CCBE1: variants seen among roughly 807,000 people sequenced by gnomAD.
The protein encoded by CCBE1 is collagen and calcium-binding EGF domain-containing protein 1.
In CCBE1, 37 loss-of-function variants were observed where a neutral mutation model predicts 50.0. The ratio of observed to expected loss-of-function variants is 0.74; its 90% CI spans 0.57 to 0.97. The LOEUF is 0.97. Ranked by LOEUF, CCBE1 falls within the 50% of genes least tolerant of loss-of-function variation. The pLI is 0.00. For synonymous variants in CCBE1, 234 were observed against 203.7 expected, an observed-to-expected ratio of 1.15 and a Z score of -1.27; for missense variants, 538 against 523.8, an observed-to-expected ratio of 1.03 and a Z score of -0.26.
chr18:59,454,981 TG>T (rs1030016301), intron 5 of CCBE1, 30 bp from the exon 6 acceptor site: 13 of 1,581,410 alleles, frequency 8.2e-6, no homozygotes, highest in African/African-American at 5.4e-5. Flanking sequence ...CAGTCCTGTC[TG>T]GGAGGCTGGA....
intron 2 of CCBE1, among the ~76,000 whole-genome samples, chr18:59,519,943 T>A (rs1288020362): frequency 6.6e-6 from 1 of 152,214 alleles, no homozygotes; most frequent in Non-Finnish European, 1.5e-5. Flanking sequence ...ATTTCCCTAT[T>A]GCTTGTTTTT....
chr18:59,568,166 G>C (rs2564463), intron 2 of CCBE1: 1 of 132,130 alleles, frequency 7.6e-6, no homozygotes, highest in African/African-American at 3.1e-5. Context: ...AGAAATAAGA[G>C]GCCTATTTTT....
At chr18:59,519,064 C>A (rs1427001087) in intron 2 of CCBE1, among the ~76,000 whole-genome samples, 2 of 152,196 alleles carry the variant, frequency 1.3e-5, no homozygotes, top group Non-Finnish European at 2.9e-5. Context: ...CCCAAATAAA[C>A]TTCATGAACT....
At chr18:59,514,558 C>T (rs776881876) in intron 2 of CCBE1, among the ~76,000 whole-genome samples, 5 of 143,666 alleles carry the variant, frequency 3.5e-5, no homozygotes, top group South Asian at 2.2e-4. Context: ...TAGCTGCTGG[C>T]GGGGTGTTTG....
chr18:59,692,408 C>T (rs142400866), intron 2 of CCBE1, among the ~76,000 whole-genome samples: 1 of 152,146 alleles, frequency 6.6e-6, no homozygotes, highest in Non-Finnish European at 1.5e-5. Context: ...ACAAAACCAC[C>T]AAGTAGTAGA....
In CCBE1 at chr18:59,697,382, C is replaced by T. The variant is rs1013868921; in HGVS notation, c.-40G>A. 3.3e-6 allele frequency: 5 copies of T among 1,537,510 alleles called. No homozygotes were observed. In the African/African-American group the frequency reaches 5.5e-5, roughly 17 times the overall value. On this transcript the variant is annotated 5_prime_UTR_variant, in exon 1 of 11. Transcript: ENST00000439986. ...GCTTCTTCCCAGCGCCGAGCTCCGT[C>T]CGGACCAAGCGTCCTGCTCCTCCGC...
intron 2 of CCBE1, among the ~76,000 whole-genome samples, chr18:59,516,008 G>T (rs1914353769): frequency 6.6e-6 from 1 of 152,124 alleles, no homozygotes; most frequent in African/African-American, 2.4e-5. Flanking sequence ...CGCCAGGCTG[G>T]AGTGCAGTGG....
chr18:59,449,554 G>A (rs949000818), intron 6 of CCBE1, among the ~76,000 whole-genome samples: 1 of 151,166 alleles, frequency 6.6e-6, no homozygotes, highest in African/African-American at 2.4e-5. Context: ...CCCAGGAAGT[G>A]GAGGTTGCAG....
chr18:59,565,400 G>C (rs1303036095), intron 2 of CCBE1, among the ~76,000 whole-genome samples: 2 of 152,214 alleles, frequency 1.3e-5, no homozygotes, highest in African/African-American at 2.4e-5. Context: ...TGGGTCCACA[G>C]CAAGAAAGAT....
intron 2 of CCBE1, among the ~76,000 whole-genome samples, chr18:59,694,162 A>G (rs2255488): frequency 0.48 from 73,037 of 151,744 alleles, 17,769 homozygotes; most frequent in African/African-American, 0.51. Flanking sequence ...GAGCCACCGC[A>G]CCCGGCCTAG....
chr18:59,543,834 C>CAAAAAAA (rs10678902), intron 2 of CCBE1, among the ~76,000 whole-genome samples: 16 of 69,004 alleles, frequency 2.3e-4, no homozygotes, highest in African/African-American at 2.9e-4. Flanking sequence ...GACTCCGTCT[C>CAAAAAAA]AAAAAAAAAA....
intron 2 of CCBE1, among the ~76,000 whole-genome samples, chr18:59,619,368 C>G (rs2053681865): frequency 6.6e-6 from 1 of 152,134 alleles, no homozygotes; most frequent in East Asian, 1.9e-4. Flanking sequence ...AGCACAGTGA[C>G]TGTTCACAGG....
At chr18:59,589,131 C>T (rs976832311) in intron 2 of CCBE1, among the ~76,000 whole-genome samples, 1 of 152,156 alleles carries the variant, frequency 6.6e-6, no homozygotes, top group African/African-American at 2.4e-5. Flanking sequence ...TCCCTGTGGA[C>T]AGGGAAAGGG....
At chr18:59,610,778 A>C (rs2053558343) in intron 2 of CCBE1, among the ~76,000 whole-genome samples, 1 of 131,706 alleles carries the variant, frequency 7.6e-6, no homozygotes. Context: ...CACAGAGGCC[A>C]AAGGTGAACC....
At chr18:59,640,320 T>C (rs1396288911) in intron 2 of CCBE1, among the ~76,000 whole-genome samples, 1 of 151,966 alleles carries the variant, frequency 6.6e-6, no homozygotes, top group African/African-American at 2.4e-5. Flanking sequence ...AGCCCTGAAA[T>C]TATGCCATAC....
At chr18:59,556,311 G>A (rs998382588) in intron 2 of CCBE1, among the ~76,000 whole-genome samples, 1 of 152,196 alleles carries the variant, frequency 6.6e-6, no homozygotes, top group African/African-American at 2.4e-5. Context: ...GCCCAGCTGT[G>A]TTTTGTCTTC....
chr18:59,691,090 G>A (rs1207823031), intron 2 of CCBE1, among the ~76,000 whole-genome samples: 3 of 152,180 alleles, frequency 2.0e-5, no homozygotes, highest in African/African-American at 7.2e-5. Context: ...AAGCACATTT[G>A]GATAGCAAGA....
At chr18:59,542,563 C>T (rs749902868) in intron 2 of CCBE1, among the ~76,000 whole-genome samples, 3 of 152,124 alleles carry the variant, frequency 2.0e-5, no homozygotes, top group African/African-American at 4.8e-5. Context: ...AGAAAGTCAT[C>T]CTTAATGTTC....
chr18:59,592,677 G>A (rs979504481), intron 2 of CCBE1, among the ~76,000 whole-genome samples: 17 of 152,190 alleles, frequency 1.1e-4, no homozygotes, highest in Admixed American at 3.3e-4. Context: ...ATGAACATGG[G>A]AAGGATAAAC....
Sources: gnomAD v4.1 joint callset for allele counts (sites outside exome capture counted in the v4.1 genomes callset) on GRCh38, gnomAD v4.1.1 for gene constraint, MANE v1.5 for transcripts, NCBI Gene and HGNC (gene_info 2026-07-23, HGNC 2026-07-21) for gene names.